The following YIPF4 variants were observed in gnomAD, a reference collection of about 807,000 sequenced individuals.
YIPF4 encodes Yip1 domain family member 4, also known as protein YIPF4.
In YIPF4, 18 loss-of-function variants were observed where a neutral mutation model predicts 29.4. The observed-to-expected ratio is 0.61, with a 90% CI of 0.42 to 0.91. The LOEUF (loss-of-function observed/expected upper bound fraction) is 0.91. Ranked by LOEUF, YIPF4 falls within the 40% of genes least tolerant of loss-of-function variation. The pLI, the probability that YIPF4 is intolerant of heterozygous loss-of-function variation, is 0.00. For missense variants in YIPF4, 279 were observed against 282.7 expected (o/e 0.99, Z 0.09); for synonymous variants, 115 against 104.7 (o/e 1.10, Z -0.60).
intron 5 of YIPF4, 47 bp downstream of exon 5, chr2:32,301,542 A>G (rs764242070): frequency 4.3e-5 from 57 of 1,311,442 alleles, no homozygotes; most frequent in Non-Finnish European, 6.0e-5. Flanking sequence ...TTCCAATGTC[A>G]AAAGTATACT....
In YIPF4 at chr2:32,299,146, T is replaced by C. The variant is rs76384199; in HGVS notation, c.483+835T>C. On this transcript the variant is annotated intron_variant, in intron 4 of 5. Transcript: ENST00000238831. The stretch of plus-strand genomic sequence containing the variant: ...GCCTCAGCCTCGCAAAGTGCTAGGA[T>C]TACCGGTGTGAACCACTGTGCCCAG... Among the ~76,000 whole-genome samples, 1,398 of 152,274 alleles carry C rather than the reference T, an allele frequency of 9.2e-3. 18 individuals are homozygous for C. Among genetic ancestry groups the C allele is most frequent in the Admixed American group, 0.016 (238 of 15,282 alleles).
rs866514782 is a variant in YIPF4 at position 32,294,746 on chromosome 2, G to T, written c.405+2398G>T. On this transcript the variant is annotated intron_variant, in intron 3 of 5. Transcript: ENST00000238831. ...GGAGGTGGAGGTTGTAGCGAGCCGA[G>T]ATCACGCCACTGCACTCCAGCCTGG... Among the ~76,000 whole-genome samples the T allele has an allele frequency of 6.0e-4, 92 of 152,226 alleles. 1 individual carries two copies. Among genetic ancestry groups the T allele is most frequent in the African/African-American group, 2.1e-3 (89 of 41,464 alleles).
Position 32,306,729 on chromosome 2 carries a change from C to T in YIPF4, c.*1103C>T. On this transcript the variant is annotated 3_prime_UTR_variant, in exon 6 of 6. Coordinates refer to ENST00000238831, the MANE Select transcript of YIPF4 (RefSeq NM_032312.4). ...TAATTTCATAGGTTTTTAGATACACCTGTAGTTAATATTACTTTGTAAAGT... is the reference window on the plus strand; with the variant it reads ...TAATTTCATAGGTTTTTAGATACACTTGTAGTTAATATTACTTTGTAAAGT... The T allele has an allele frequency of 2.8e-6, 1 of 362,450 alleles. No homozygotes were observed. Among genetic ancestry groups the T allele is most frequent in the Non-Finnish European group, 3.8e-6 (1 of 260,632 alleles). 22.5% of individuals were successfully genotyped at this position (362,450 alleles called of 1,614,324 possible).
chr2:32,299,912 G>T (rs2031333749), intron 4 of YIPF4, among the ~76,000 whole-genome samples: 1 of 152,170 alleles, frequency 6.6e-6, no homozygotes, highest in Admixed American at 6.5e-5. Context: ...TTGAGCCCAG[G>T]AGTAGTTTTT....
chr2:32,291,272 C>G (rs763678221), intron 2 of YIPF4, among the ~76,000 whole-genome samples: 1 of 152,192 alleles, frequency 6.6e-6, no homozygotes, highest in Non-Finnish European at 1.5e-5. Context: ...TAGTGGCCCA[C>G]GCCAGTAATC....
At chr2:32,303,285 A>G (rs998792304) in intron 5 of YIPF4, among the ~76,000 whole-genome samples, 23 of 152,140 alleles carry the variant, frequency 1.5e-4, no homozygotes, top group African/African-American at 5.3e-4. Context: ...GCTTGGGCCC[A>G]TGAGGCCGTG....
At position 32,298,323 on chromosome 2, in the gene YIPF4, A is replaced by T. The variant is rs1284550225; in HGVS notation, c.483+12A>T. The stretch of plus-strand genomic sequence containing the variant: ...TTCTTGGTGGAGAAGTAAGTAGTTT[A>T]TTTTGAAAATAATCTTCCTTATTTA... On this transcript the variant is annotated intron_variant, in intron 4 of 5. Coordinates refer to ENST00000238831, the MANE Select transcript of YIPF4 (RefSeq NM_032312.4). The T allele has an allele frequency of 6.3e-7, 1 of 1,580,584 alleles. No homozygotes were observed.
chr2:32,301,997 A>G lies in YIPF4; in HGVS notation c.597+502A>G, dbSNP rs569669265. ...TGGGATTACAGGCATGAGCCACCAC[A>G]CCCGGCCTGGTCAGCATTTTTCTTT... On this transcript the variant is annotated intron_variant, in intron 5 of 5. Coordinates refer to ENST00000238831, the MANE Select transcript of YIPF4 (RefSeq NM_032312.4). 5.7e-3 allele frequency among the ~76,000 whole-genome samples: 823 copies of G among 145,420 alleles called. 9 individuals carry two copies. Among genetic ancestry groups the G allele is most frequent in the African/African-American group, 0.02 (776 of 39,214 alleles).
intron 1 of YIPF4, among the ~76,000 whole-genome samples, chr2:32,286,997 C>G (rs1040005924): frequency 6.6e-6 from 1 of 152,132 alleles, no homozygotes; most frequent in African/African-American, 2.4e-5. Context: ...TTAATCCCAG[C>G]ACTTTGGGAG....
chr2:32,292,119 A>G (rs1292015852), intron 2 of YIPF4, 58 bp from the exon 3 acceptor site: 25 of 1,172,174 alleles, frequency 2.1e-5, no homozygotes, highest in Non-Finnish European at 2.8e-5. Flanking sequence ...TTTTTTTTGG[A>G]ATTGTTTTAG....
intron 3 of YIPF4, among the ~76,000 whole-genome samples, chr2:32,292,938 G>A (rs2030982199): frequency 1.3e-5 from 2 of 150,516 alleles, no homozygotes; most frequent in African/African-American, 4.9e-5. Flanking sequence ...ACCACTTCCA[G>A]CTGACCAGAA....
chr2:32,284,825 T>C (rs1362487726), intron 1 of YIPF4, among the ~76,000 whole-genome samples: 2 of 151,998 alleles, frequency 1.3e-5, no homozygotes, highest in African/African-American at 2.4e-5. Context: ...TTCAGAGAAA[T>C]GAGAGGCTTA....
intron 3 of YIPF4, among the ~76,000 whole-genome samples, chr2:32,294,545 G>T (rs1272748818): frequency 3.3e-5 from 5 of 151,712 alleles, no homozygotes; most frequent in Admixed American, 1.3e-4. Context: ...TTCCTAGATG[G>T]GATGGCGGCC....
chr2:32,301,970 G>C (rs1215978608), intron 5 of YIPF4, among the ~76,000 whole-genome samples: 2 of 151,950 alleles, frequency 1.3e-5, no homozygotes, highest in Non-Finnish European at 2.9e-5. Context: ...CTCCCAAAGT[G>C]CTGGGATTAC....
intron 1 of YIPF4, among the ~76,000 whole-genome samples, chr2:32,289,904 A>G (rs1277543391): frequency 3.9e-5 from 6 of 152,160 alleles, no homozygotes. Context: ...GGGGACTCTT[A>G]CTCATCAGAC....
At chr2:32,294,261 C>A (rs1473051676) in intron 3 of YIPF4, among the ~76,000 whole-genome samples, 2 of 152,070 alleles carry the variant, frequency 1.3e-5, no homozygotes, top group Non-Finnish European at 2.9e-5. Context: ...GGGCTCCTCA[C>A]TTCTCAGACG....
chr2:32,304,446 G>A (rs1489893422), intron 5 of YIPF4, among the ~76,000 whole-genome samples: 1 of 151,446 alleles, frequency 6.6e-6, no homozygotes, highest in Non-Finnish European at 1.5e-5. Context: ...AACAAACCCA[G>A]TGGAAAGATG....
At position 32,298,320 on chromosome 2, in the gene YIPF4, T is replaced by C. The variant is rs371763528; in HGVS notation, c.483+9T>C. 6.9e-6 allele frequency: 11 copies of C among 1,586,320 alleles called. No homozygotes were observed. Among genetic ancestry groups the C allele is most frequent in the Non-Finnish European group, 9.5e-6 (11 of 1,157,122 alleles). On this transcript the variant is annotated intron_variant, in intron 4 of 5. Coordinates refer to ENST00000238831, the MANE Select transcript of YIPF4 (RefSeq NM_032312.4). ...GAGTTCTTGGTGGAGAAGTAAGTAGTTTATTTTGAAAATAATCTTCCTTAT... is the reference window on the plus strand; with the variant it reads ...GAGTTCTTGGTGGAGAAGTAAGTAGCTTATTTTGAAAATAATCTTCCTTAT...
intron 5 of YIPF4, among the ~76,000 whole-genome samples, chr2:32,304,409 AG>A (rs1208430239): frequency 2.4e-4 from 37 of 152,162 alleles, no homozygotes; most frequent in African/African-American, 8.7e-4. Context: ...ATTATTTCAT[AG>A]GGTTACTTTT....
Sources: gnomAD v4.1 joint callset for allele counts (sites outside exome capture counted in the v4.1 genomes callset) on GRCh38, gnomAD v4.1.1 for gene constraint, MANE v1.5 for transcripts, NCBI Gene and HGNC (gene_info 2026-07-23, HGNC 2026-07-21) for gene names.